PLSCR2: variants seen among roughly 807,000 people sequenced by gnomAD.
The protein encoded by PLSCR2 is PL scramblase 2.
PLSCR2 carries 18 observed loss-of-function variants against 25.3 expected under a neutral mutation model. The ratio of observed to expected loss-of-function variants is 0.71; its 90% CI spans 0.49 to 1.06. PLSCR2 has a LOEUF of 1.06. PLSCR2 is among the 50% of genes least tolerant of loss of function. The pLI is 0.00. For missense variants in PLSCR2, 243 were observed against 269.5 expected (o/e 0.90, Z 0.69); for synonymous variants, 88 against 87.3 (o/e 1.01, Z -0.04).
chr3:146,392,104 T>C (rs2038101730), intron 3 of PLSCR2, among the ~76,000 whole-genome samples: 1 of 152,152 alleles, frequency 6.6e-6, no homozygotes, highest in Non-Finnish European at 1.5e-5. Context: ...AGTCTAGAGA[T>C]GTCTCATAAT....
intron 1 of PLSCR2, among the ~76,000 whole-genome samples, chr3:146,483,795 A>C (rs1013608383): frequency 6.6e-6 from 1 of 151,778 alleles, no homozygotes; most frequent in Admixed American, 6.6e-5. Context: ...CAGCAGCCTC[A>C]AAGATCAAAA....
intron 1 of PLSCR2, among the ~76,000 whole-genome samples, chr3:146,478,888 C>T (rs969458956): frequency 7.2e-5 from 11 of 152,176 alleles, no homozygotes; most frequent in Admixed American, 1.3e-4. Context: ...AGACTAACAG[C>T]GGATCTCTCG....
At chr3:146,399,845 T>A (rs973981502) in intron 2 of PLSCR2, among the ~76,000 whole-genome samples, 1 of 151,438 alleles carries the variant, frequency 6.6e-6, no homozygotes, top group African/African-American at 2.4e-5. Flanking sequence ...TCCCTTTTTC[T>A]TACCATATAT....
intron 5 of PLSCR2, among the ~76,000 whole-genome samples, chr3:146,449,928 A>T (rs1195695433): frequency 2.0e-5 from 3 of 152,224 alleles, no homozygotes; most frequent in Non-Finnish European, 4.4e-5. Flanking sequence ...ACTTGATGGG[A>T]TGCCTCAAGT....
chr3:146,483,954 G>A (rs2043250488), intron 1 of PLSCR2, among the ~76,000 whole-genome samples: 1 of 152,068 alleles, frequency 6.6e-6, no homozygotes, highest in African/African-American at 2.4e-5. Context: ...TCAATTGACA[G>A]AAGTAGGCTT....
chr3:146,442,540 T>C (rs1225588672), intron 6 of PLSCR2, among the ~76,000 whole-genome samples: 3 of 151,984 alleles, frequency 2.0e-5, no homozygotes, highest in Non-Finnish European at 2.9e-5. Flanking sequence ...GGAGGCATCA[T>C]ACTACCTTAT....
At chr3:146,475,167 A>G (rs1159782452) in intron 1 of PLSCR2, among the ~76,000 whole-genome samples, 1 of 152,002 alleles carries the variant, frequency 6.6e-6, no homozygotes, top group Non-Finnish European at 1.5e-5. Flanking sequence ...TCCTTTGTCC[A>G]GTTCTGTGCC....
chr3:146,456,859 GT>G (rs1475292541), intron 3 of PLSCR2, among the ~76,000 whole-genome samples: 9 of 151,882 alleles, frequency 5.9e-5, no homozygotes, highest in Non-Finnish European at 1.3e-4. Context: ...GTGGAACTTC[GT>G]ATTTTTCAAT....
chr3:146,453,793 C>T (rs575608899), intron 5 of PLSCR2, among the ~76,000 whole-genome samples: 83 of 152,258 alleles, frequency 5.5e-4, no homozygotes, highest in South Asian at 4.6e-3. Flanking sequence ...GACTACAGAG[C>T]TCTGCTTCTC....
chr3:146,408,584 C>A (rs1449162143), intron 2 of PLSCR2, among the ~76,000 whole-genome samples: 1 of 152,092 alleles, frequency 6.6e-6, no homozygotes, highest in Non-Finnish European at 1.5e-5. Context: ...GACTGATATT[C>A]ATTCCAGCAA....
intron 1 of PLSCR2, among the ~76,000 whole-genome samples, chr3:146,481,317 T>A (rs140599964): frequency 2.6e-5 from 4 of 152,188 alleles, no homozygotes; most frequent in Non-Finnish European, 5.9e-5. Flanking sequence ...ATGACATGAT[T>A]GTATATTTGG....
intron 1 of PLSCR2, 38 bp from the exon 1 acceptor site, chr3:146,469,599 C>T (rs2042027636): frequency 1.0e-6 from 1 of 985,178 alleles, no homozygotes; most frequent in Non-Finnish European, 1.2e-6. Flanking sequence ...GCACAGCCCT[C>T]CCGGAAGTCG....
At chr3:146,492,758 A>C (rs1313240758) in intron 1 of PLSCR2, among the ~76,000 whole-genome samples, 1 of 151,976 alleles carries the variant, frequency 6.6e-6, no homozygotes, top group African/African-American at 2.4e-5. Context: ...AAGAAGAGGA[A>C]ACCAACCCCA....
At chr3:146,446,749 G>T (rs1280966129) in intron 6 of PLSCR2, among the ~76,000 whole-genome samples, 1 of 152,136 alleles carries the variant, frequency 6.6e-6, no homozygotes, top group Non-Finnish European at 1.5e-5. Context: ...AGGGCATCAA[G>T]TTCCCTCATG....
At chr3:146,482,102 TA>T (rs988697649) in intron 1 of PLSCR2, among the ~76,000 whole-genome samples, 9 of 152,152 alleles carry the variant, frequency 5.9e-5, no homozygotes, top group African/African-American at 1.9e-4. Context: ...ACTTAAATTT[TA>T]GACCTAAACC....
intron 1 of PLSCR2, among the ~76,000 whole-genome samples, chr3:146,471,040 T>C (rs564964146): frequency 4.7e-4 from 3 of 6,406 alleles, no homozygotes; most frequent in Non-Finnish European, 2.5e-3. Flanking sequence ...AGTGTTTTTG[T>C]TTTTTTGTTT....
intron 1 of PLSCR2, among the ~76,000 whole-genome samples, chr3:146,493,783 G>GTTTTTT (rs34986699): frequency 4.0e-4 from 22 of 54,784 alleles, no homozygotes; most frequent in Middle Eastern, 0.017. Flanking sequence ...CCAAGGTGGC[G>GTTTTTT]TTTTTTTTTT....
At chr3:146,440,806 A>G (rs1409091257), downstream of PLSCR2, among the ~76,000 whole-genome samples, 1 of 152,264 alleles carries the variant, frequency 6.6e-6, no homozygotes, top group East Asian at 1.9e-4. Context: ...TTCAAAAACT[A>G]TATCAATAAA....
chr3:146,481,175 G>A (rs1031763370), intron 1 of PLSCR2, among the ~76,000 whole-genome samples: 3 of 152,196 alleles, frequency 2.0e-5, no homozygotes, highest in African/African-American at 7.2e-5. Flanking sequence ...ACTGGCACAA[G>A]ACAATGATGC....
Sources: gnomAD v4.1 joint callset for allele counts (sites outside exome capture counted in the v4.1 genomes callset) on GRCh38, gnomAD v4.1.1 for gene constraint, MANE v1.5 for transcripts, NCBI Gene and HGNC (gene_info 2026-07-23, HGNC 2026-07-21) for gene names.